The following GRTP1 variants were observed in gnomAD, a reference collection of about 807,000 sequenced individuals.
The protein encoded by GRTP1 is growth hormone regulated TBC protein 1.
GRTP1 carries 56 observed loss-of-function variants against 38.1 expected under a neutral mutation model. The ratio of observed to expected loss-of-function variants is 1.47; its 90% CI spans 1.19 to 1.84. The LOEUF (loss-of-function observed/expected upper bound fraction) is 1.84. Ranked by LOEUF, GRTP1 falls within the 40% of genes most tolerant of loss-of-function variation. The pLI, the probability that GRTP1 is intolerant of heterozygous loss-of-function variation, is 0.00. For missense variants in GRTP1, 506 were observed against 453.9 expected, an observed-to-expected ratio of 1.11 and a Z score of -1.04; for synonymous variants, 217 against 189.5, an observed-to-expected ratio of 1.14 and a Z score of -1.19.
At position 113,364,068 on chromosome 13, in the gene GRTP1, G is replaced by C. The variant is rs756644021; in HGVS notation, c.-17C>G. 1 of 1,262,408 alleles carries C rather than the reference G, an allele frequency of 7.9e-7. No homozygotes were observed. The highest frequency in any genetic ancestry group is 9.9e-7 in the Non-Finnish European group (1 of 1,010,194). The allele number at this position is 1,262,408 out of a possible 1,614,324, so 78.2% of individuals were successfully genotyped here. ...GGGCTGCATGCGGGGAGGGAGGCGC[G>C]CACCGAGCGAGGCCAGCGGGTCCCA... On this transcript the variant is annotated 5_prime_UTR_variant, in exon 1 of 8. Transcript: ENST00000375431.
chr13:113,357,122 C>T (rs1347318814), intron 2 of GRTP1, among the ~76,000 whole-genome samples: 1 of 151,418 alleles, frequency 6.6e-6, no homozygotes, highest in Non-Finnish European at 1.5e-5. Flanking sequence ...CCATCCTGGC[C>T]AACATGGTGA....
At chr13:113,324,900 C>T (rs2042736812) in intron 7 of GRTP1, 2 of 733,474 alleles carry the variant, frequency 2.7e-6, no homozygotes, top group East Asian at 1.1e-4. Flanking sequence ...GATCTCGGCT[C>T]ACTGCAACCT....
In GRTP1 at chr13:113,349,902, T is replaced by C. The variant is rs576731373; in HGVS notation, c.465+947A>G. On this transcript the variant is annotated intron_variant, in intron 4 of 7. Coordinates refer to ENST00000375431, the MANE Select transcript of GRTP1 (RefSeq NM_024719.4). The surrounding 1 kb of genome is among the most constrained non-coding windows in gnomAD (Gnocchi z 5.0). ...AGGTTCGAACCACCCATCGCGACGA[T>C]GTCCTTCCCTGTCCTCCTAGAAACG... 7.5e-6 allele frequency among the ~76,000 whole-genome samples: 1 copy of C among 133,388 alleles called. No homozygotes were observed. The highest frequency in any genetic ancestry group is 1.6e-5 in the Non-Finnish European group (1 of 62,384). 87.5% of individuals were successfully genotyped at this position (133,388 alleles called of 152,430 possible).
At chr13:113,351,012 T>C (rs959274520) in intron 3 of GRTP1, 39 bp from the exon 4 acceptor site, 1 of 1,610,420 alleles carries the variant, frequency 6.2e-7, no homozygotes, top group African/African-American at 1.3e-5. Flanking sequence ...CGGGTTTCTG[T>C]TCCACAAGCC....
intron 3 of GRTP1, among the ~76,000 whole-genome samples, chr13:113,354,550 TG>T (rs1217178780): frequency 3.9e-4 from 59 of 151,476 alleles, no homozygotes; most frequent in Admixed American, 3.9e-3. Flanking sequence ...TTTTTTGAGA[TG>T]GAGTTTCACT....
intron 2 of GRTP1, among the ~76,000 whole-genome samples, chr13:113,357,804 AG>A (rs2043423143): frequency 6.6e-6 from 1 of 152,214 alleles, no homozygotes; most frequent in African/African-American, 2.4e-5. Flanking sequence ...TCTAACTGAG[AG>A]GGACAGAAGC....
At chr13:113,350,484 C>T (rs911488793) in intron 4 of GRTP1, among the ~76,000 whole-genome samples, 5 of 148,260 alleles carry the variant, frequency 3.4e-5, no homozygotes, top group African/African-American at 1.0e-4. Flanking sequence ...ATCCCATACA[C>T]ACACCCCATG....
chr13:113,358,637 A>G (rs1242618030), intron 2 of GRTP1, among the ~76,000 whole-genome samples: 2 of 152,324 alleles, frequency 1.3e-5, no homozygotes, highest in South Asian at 4.1e-4. Flanking sequence ...GGATATGATA[A>G]GGAATCCACA....
Position 113,326,059 on chromosome 13 carries a change from T to G in GRTP1, c.595A>C (p.Thr199Pro). The change falls in exon 6 of 8, where the codon ACC becomes CCC. Residue 199 changes from threonine (T) to proline (P), a missense_variant. By Grantham distance (38) the Thr-to-Pro change is conservative. Transcript: ENST00000375431. ...AGCTCCCCGAGGACCTCCTGGTCGG[T>G]CTTCAGGCCCAGCATGGCCGGGCTG... ...YYSPAMLGLK[T>P]DQEVLGELVR... 3 of 1,611,156 alleles carry G rather than the reference T, an allele frequency of 1.9e-6. No individual in the cohort carries two copies. Among genetic ancestry groups the G allele is most frequent in the Non-Finnish European group, 2.5e-6 (3 of 1,179,834 alleles).
chr13:113,353,493 A>C (rs1156566630), intron 3 of GRTP1, among the ~76,000 whole-genome samples: 1 of 152,264 alleles, frequency 6.6e-6, no homozygotes, highest in Non-Finnish European at 1.5e-5. Context: ...GGCGAGGGAA[A>C]GGACCCCAGC....
Position 113,347,535 on chromosome 13 carries a change from C to T in GRTP1, c.466-2576G>A, listed in dbSNP as rs1421360468. 2.4e-4 allele frequency among the ~76,000 whole-genome samples: 17 copies of T among 70,778 alleles called. No individual in the cohort carries two copies. The South Asian group carries it at 4.3e-3, about 18-fold the overall frequency. 46.4% of individuals were successfully genotyped at this position (70,778 alleles called of 152,430 possible). A position where few individuals can be genotyped will look rare whatever the true frequency, so the allele number is the denominator to read the frequency against. On this transcript the variant is annotated intron_variant, in intron 4 of 7. Transcript: ENST00000375431. The stretch of plus-strand genomic sequence containing the variant: ...ACCCAGGAGCACCTCTGTGGCTGAG[C>T]GGATCCGGGAGGACCTCTGTGGCAG...
At chr13:113,360,083 T>C (rs1349549319) in intron 2 of GRTP1, 2 of 152,318 alleles carry the variant, frequency 1.3e-5, no homozygotes, top group Admixed American at 1.3e-4. Context: ...GTTTTCTCGA[T>C]TTAACTTAGG....
At chr13:113,337,475 T>C (rs922520267) in intron 5 of GRTP1, among the ~76,000 whole-genome samples, 1 of 152,204 alleles carries the variant, frequency 6.6e-6, no homozygotes, top group Non-Finnish European at 1.5e-5. Flanking sequence ...AGACCCTGAA[T>C]GGAAAAGCGG....
At position 113,350,123 on chromosome 13, in the gene GRTP1, G is replaced by A. The variant is rs1156878992; in HGVS notation, c.465+726C>T. 3.9e-5 allele frequency among the ~76,000 whole-genome samples: 6 copies of A among 152,078 alleles called. No individual in the cohort carries two copies. In the East Asian group the frequency reaches 5.8e-4, roughly 15 times the overall value. ...CCCAGATGCCTGCCCTGCCCTCGGC[G>A]AGCTCAGACAGACTGGAACAGCACC... On this transcript the variant is annotated intron_variant, in intron 4 of 7. Transcript: ENST00000375431.
chr13:113,355,488 G>T lies in GRTP1; in HGVS notation c.182-7C>A. Reference sequence around the variant, plus strand: ...TTCCGGACATAGCGCTTCACTGAAGGCCGAGAGGACGGACAGCGTGTGAGC... The same window carrying T: ...TTCCGGACATAGCGCTTCACTGAAGTCCGAGAGGACGGACAGCGTGTGAGC... On this transcript the variant is annotated splice_region_variant and splice_polypyrimidine_tract_variant and intron_variant, in intron 2 of 7. Coordinates refer to ENST00000375431, the MANE Select transcript of GRTP1 (RefSeq NM_024719.4). The T allele has an allele frequency of 6.2e-7, 1 of 1,604,842 alleles. No individual in the cohort carries two copies. Among genetic ancestry groups the T allele is most frequent in the Middle Eastern group, 1.7e-4 (1 of 5,892 alleles).
chr13:113,338,352 C>T (rs2139431779), intron 5 of GRTP1, among the ~76,000 whole-genome samples: 1 of 152,340 alleles, frequency 6.6e-6, no homozygotes, highest in African/African-American at 2.4e-5. Flanking sequence ...GGAGCGTGTC[C>T]TCAGGTCACT....
At chr13:113,345,712 G>A (rs539287955) in intron 4 of GRTP1, among the ~76,000 whole-genome samples, 106 of 152,358 alleles carry the variant, frequency 7.0e-4, no homozygotes, top group Non-Finnish European at 7.1e-4. Context: ...GCAGCAGCGC[G>A]GCGGCTTCAG....
At position 113,364,006 on chromosome 13, in the gene GRTP1, C is replaced by T; in HGVS notation, c.32+14G>A. On this transcript the variant is annotated intron_variant, in intron 1 of 7. Transcript: ENST00000375431. Reference sequence around the variant, plus strand: ...CCGCAGCCGCCGGGGACGCCCGCACCCCGCGCCACACACCTGGGGACCCGC... The same window carrying T: ...CCGCAGCCGCCGGGGACGCCCGCACTCCGCGCCACACACCTGGGGACCCGC... The T allele has an allele frequency of 6.8e-7, 1 of 1,465,336 alleles. No homozygotes were observed. Among genetic ancestry groups the T allele is most frequent in the Non-Finnish European group, 9.0e-7 (1 of 1,112,218 alleles). The allele number at this position is 1,465,336 out of a possible 1,614,324, so 90.8% of individuals were successfully genotyped here.
chr13:113,364,147 C>G, upstream of GRTP1: 1 of 685,590 alleles, frequency 1.5e-6, no homozygotes, highest in African/African-American at 3.8e-5. Flanking sequence ...ACCGCGGGCG[C>G]GTGGGGGCGG....
Sources: gnomAD v4.1 joint callset for allele counts (sites outside exome capture counted in the v4.1 genomes callset) on GRCh38, gnomAD v4.1.1 for gene constraint, Gnocchi (gnomAD v3.1) non-coding constraint, MANE v1.5 for transcripts, NCBI Gene and HGNC (gene_info 2026-07-23, HGNC 2026-07-21) for gene names.